GIGYF2: variants seen among roughly 807,000 people sequenced by gnomAD.
GIGYF2 encodes GRB10-interacting GYF protein 2.
GIGYF2 carries 25 observed loss-of-function variants against 208.1 expected under a neutral mutation model. The ratio of observed to expected loss-of-function variants is 0.12; its 90% CI spans 0.09 to 0.17. GIGYF2 has a LOEUF of 0.17. Among genes scored for constraint, GIGYF2 ranks in the 10% least tolerant of loss-of-function variants. The pLI, the probability that GIGYF2 is intolerant of heterozygous loss-of-function variation, is 1.00. For missense variants in GIGYF2, 1,302 were observed against 1,579.4 expected, an observed-to-expected ratio of 0.82 and a Z score of 2.98; for synonymous variants, 534 against 543.8, an observed-to-expected ratio of 0.98 and a Z score of 0.25.
intron 21 of GIGYF2, among the ~76,000 whole-genome samples, chr2:232,832,543 C>G (rs533395765): frequency 2.6e-5 from 4 of 152,348 alleles, no homozygotes; most frequent in Admixed American, 2.6e-4. Context: ...GCTCACCTCA[C>G]ATGTTGGAGC....
At position 232,787,206 on chromosome 2, in the gene GIGYF2, A is replaced by G. The variant is rs933269564; in HGVS notation, c.589A>G (p.Ile197Val). ...PTSVGRKHEF[I>V]RSESENWRIF... The stretch of plus-strand genomic sequence containing the variant: ...ATCAGTAGGGAGAAAGCATGAATTT[A>G]TACGCTCAGAAAGTGAAAATTGGCG... The change falls in exon 9 of 29, where the codon ATA (isoleucine) becomes GTA (valine). Residue 197 changes from isoleucine (I) to valine (V), a missense_variant. Transcript: ENST00000373563. 1 of 1,614,068 alleles carries G rather than the reference A, an allele frequency of 6.2e-7. No homozygotes were observed. The highest frequency in any genetic ancestry group is 8.5e-7 in the Non-Finnish European group (1 of 1,179,958).
At chr2:232,748,547 A>T (rs1175733365) in intron 4 of GIGYF2, among the ~76,000 whole-genome samples, 2 of 152,228 alleles carry the variant, frequency 1.3e-5, no homozygotes, top group African/African-American at 4.8e-5. Flanking sequence ...GGCCTCCAAA[A>T]GTGCTGGGAT....
At chr2:232,750,587 A>G (rs935756874) in intron 5 of GIGYF2, among the ~76,000 whole-genome samples, 1 of 152,000 alleles carries the variant, frequency 6.6e-6, no homozygotes. Flanking sequence ...TTTTGTTTGC[A>G]TTTCTTTGCC....
chr2:232,797,489 T>TGTGTG (rs148403782), intron 14 of GIGYF2, among the ~76,000 whole-genome samples: 2 of 144,994 alleles, frequency 1.4e-5, no homozygotes, highest in African/African-American at 2.6e-5. Flanking sequence ...AGAGCAGGGC[T>TGTGTG]TGTGTGTGTG....
chr2:232,770,773 C>T (rs951275023), intron 8 of GIGYF2: 6 of 685,282 alleles, frequency 8.8e-6, no homozygotes, highest in East Asian at 2.7e-5. Flanking sequence ...TAGACATTAC[C>T]TGCTATCAAT....
chr2:232,818,014 CA>C (rs1158784698), intron 20 of GIGYF2, among the ~76,000 whole-genome samples: 1 of 152,238 alleles, frequency 6.6e-6, no homozygotes, highest in Non-Finnish European at 1.5e-5. Flanking sequence ...AGTGTCTCCA[CA>C]TTCTCACCAA....
At chr2:232,711,705 G>GTATATATATATATAGATATATATATA (rs1696413704) in intron 2 of GIGYF2, among the ~76,000 whole-genome samples, 1 of 115,762 alleles carries the variant, frequency 8.6e-6, no homozygotes, top group Admixed American at 8.8e-5. Context: ...TCACAATGAT[G>GTATATATATATATAGATATATATATA]TATATATATA....
chr2:232,824,718 G>A (rs1701197071), intron 21 of GIGYF2, among the ~76,000 whole-genome samples: 1 of 152,300 alleles, frequency 6.6e-6, no homozygotes, highest in South Asian at 2.1e-4. Context: ...GATGAAGGTG[G>A]TTGCACTAAA....
intron 26 of GIGYF2, among the ~76,000 whole-genome samples, chr2:232,846,108 C>G (rs1440170395): frequency 1.3e-5 from 2 of 152,150 alleles, no homozygotes; most frequent in Non-Finnish European, 2.9e-5. Flanking sequence ...AAAGTAAATG[C>G]CATCTTAGAC....
chr2:232,746,300 C>T lies in GIGYF2; in HGVS notation c.42-1315C>T, dbSNP rs1574831329. ...TGCATACGCTATTTTTAATAATGTG[C>T]ACATATTTACTGTGTTTTACTTGGC... On this transcript the variant is annotated intron_variant, in intron 3 of 28. Transcript: ENST00000373563. Among the ~76,000 whole-genome samples, 4 of 152,128 alleles carry T rather than the reference C, an allele frequency of 2.6e-5. No individual in the cohort carries two copies. The South Asian group carries it at 8.3e-4, about 32-fold the overall frequency.
At chr2:232,797,360 A>G (rs1031702996) in intron 14 of GIGYF2, among the ~76,000 whole-genome samples, 6 of 152,080 alleles carry the variant, frequency 3.9e-5, no homozygotes, top group Admixed American at 6.6e-5. Flanking sequence ...GCTCTCTCCA[A>G]TGAATTAACT....
intron 3 of GIGYF2, among the ~76,000 whole-genome samples, chr2:232,745,199 C>T (rs1429169979): frequency 2.0e-5 from 3 of 152,052 alleles, no homozygotes; most frequent in East Asian, 3.9e-4. Context: ...ACTAAATGAC[C>T]TCCAAGCCCA....
At chr2:232,728,811 G>A (rs1317354998) in intron 2 of GIGYF2, among the ~76,000 whole-genome samples, 2 of 152,112 alleles carry the variant, frequency 1.3e-5, no homozygotes, top group Non-Finnish European at 2.9e-5. Flanking sequence ...TGGTAATGGA[G>A]GAAAAGGGAG....
rs1442008006 is a variant in GIGYF2, at chr2:232,860,128, A to T, written c.*3268A>T. ...AAATGAGTTTATGCATACATGAAGGACTTTATTTTCATTGGCTTTAAGTTG... is the reference window on the plus strand; with the variant it reads ...AAATGAGTTTATGCATACATGAAGGTCTTTATTTTCATTGGCTTTAAGTTG... On this transcript the variant is annotated 3_prime_UTR_variant, in exon 29 of 29. Coordinates refer to ENST00000373563, the MANE Select transcript of GIGYF2 (RefSeq NM_001103146.3). The T allele has an allele frequency of 2.6e-5, 4 of 152,002 alleles. No individual in the cohort carries two copies. Among genetic ancestry groups the T allele is most frequent in the African/African-American group, 9.7e-5 (4 of 41,388 alleles). 9.4% of individuals were successfully genotyped at this position (152,002 alleles called of 1,614,324 possible).
At chr2:232,809,893 C>G in intron 16 of GIGYF2, 82 bp downstream of exon 16, 1 of 850,542 alleles carries the variant, frequency 1.2e-6, no homozygotes, top group South Asian at 1.3e-5. Context: ...TCACCTTTTA[C>G]AGTAGAGAGG....
rs1014151226 is a variant in GIGYF2, at chr2:232,858,691, G to A, written c.*1831G>A. On this transcript the variant is annotated 3_prime_UTR_variant, in exon 29 of 29. Coordinates refer to ENST00000373563, the MANE Select transcript of GIGYF2 (RefSeq NM_001103146.3). ...AGTTCTGCACTAAACTGTTCCTCTT[G>A]GTACCATGGAAAAGCTCCAAGCACC... 6 of 372,008 alleles carry A rather than the reference G, an allele frequency of 1.6e-5. No individual in the cohort carries two copies. The highest frequency in any genetic ancestry group is 2.6e-5 in the Non-Finnish European group (5 of 191,040). 23.0% of individuals were successfully genotyped at this position (372,008 alleles called of 1,614,324 possible).
chr2:232,717,539 T>A (rs1696744487), intron 2 of GIGYF2, among the ~76,000 whole-genome samples: 1 of 152,190 alleles, frequency 6.6e-6, no homozygotes, highest in South Asian at 2.1e-4. Flanking sequence ...TATCACCATT[T>A]ATTATCTATT....
intron 1 of GIGYF2, among the ~76,000 whole-genome samples, chr2:232,699,722 T>C (rs1350082072): frequency 6.6e-6 from 1 of 152,216 alleles, no homozygotes; most frequent in Non-Finnish European, 1.5e-5. Context: ...TTTAGACACA[T>C]GATTAAGGAA....
At chr2:232,829,783 CA>C (rs1383873687) in intron 21 of GIGYF2, among the ~76,000 whole-genome samples, 1 of 152,154 alleles carries the variant, frequency 6.6e-6, no homozygotes, top group Non-Finnish European at 1.5e-5. Context: ...CTGCTAGTAA[CA>C]CTTTGAGCCC....
Sources: gnomAD v4.1 joint callset for allele counts (sites outside exome capture counted in the v4.1 genomes callset) on GRCh38, gnomAD v4.1.1 for gene constraint, MANE v1.5 for transcripts, NCBI Gene and HGNC (gene_info 2026-07-23, HGNC 2026-07-21) for gene names.